The following STARD13 variants were observed in gnomAD, a reference collection of about 807,000 sequenced individuals.
STARD13 encodes the protein stAR-related lipid transfer protein 13.
Under a neutral mutation model 106.4 loss-of-function variants are expected in STARD13, and 62 were observed. The ratio of observed to expected loss-of-function variants is 0.58; its 90% CI spans 0.48 to 0.72. The LOEUF is 0.72. Ranked by LOEUF, STARD13 falls within the 30% of genes least tolerant of loss-of-function variation. The probability of loss-of-function intolerance (pLI) is 0.00; values close to 1 mark genes in which losing one functional copy is unlikely to be tolerated. For synonymous variants in STARD13, 565 were observed against 553.0 expected, an observed-to-expected ratio of 1.02 and a Z score of -0.31; for missense variants, 1,387 against 1,424.0, an observed-to-expected ratio of 0.97 and a Z score of 0.42.
intron 1 of STARD13, among the ~76,000 whole-genome samples, chr13:33,233,916 C>T (rs141709693): frequency 5.3e-5 from 8 of 152,302 alleles, no homozygotes; most frequent in Non-Finnish European, 1.0e-4. Context: ...TCACGTGCTC[C>T]CTCCTGCAAG....
At chr13:33,296,602 C>G (rs1892505326) in intron 1 of STARD13, among the ~76,000 whole-genome samples, 1 of 152,234 alleles carries the variant, frequency 6.6e-6, no homozygotes, top group Admixed American at 6.5e-5. Flanking sequence ...AACCACCATT[C>G]TACTCTCTGC....
the STARD13 span, among the ~76,000 whole-genome samples, chr13:33,662,962 A>T: frequency 6.6e-6 from 1 of 152,246 alleles, no homozygotes; most frequent in Non-Finnish European, 1.5e-5. Flanking sequence ...AAGTCTTGAG[A>T]ATATATCAAA....
chr13:33,156,165 G>T (rs1272059426), intron 3 of STARD13, among the ~76,000 whole-genome samples: 1 of 152,188 alleles, frequency 6.6e-6, no homozygotes, highest in Non-Finnish European at 1.5e-5. Flanking sequence ...GTCAATAAAA[G>T]GGTGGCATTC....
chr13:33,409,777 G>C, the STARD13 span, among the ~76,000 whole-genome samples: 1 of 152,170 alleles, frequency 6.6e-6, no homozygotes, highest in Non-Finnish European at 1.5e-5. Flanking sequence ...GACAGGTCAG[G>C]ACACACTAAC....
intron 1 of STARD13, among the ~76,000 whole-genome samples, chr13:33,175,949 G>A (rs1382212572): frequency 1.3e-5 from 2 of 152,110 alleles, no homozygotes; most frequent in Non-Finnish European, 2.9e-5. Flanking sequence ...AAGATTTCAT[G>A]ATAGCAGGGG....
the STARD13 span, among the ~76,000 whole-genome samples, chr13:33,660,300 C>T: frequency 6.6e-6 from 1 of 152,142 alleles, no homozygotes. Flanking sequence ...CATAGTTTTT[C>T]ACTATTTAAA....
chr13:33,114,213 T>C (rs370105680), intron 8 of STARD13, among the ~76,000 whole-genome samples: 22 of 152,290 alleles, frequency 1.4e-4, no homozygotes, highest in East Asian at 1.4e-3. Flanking sequence ...GAGTGCATGA[T>C]AAAAACAAAC....
intron 13 of STARD13, 34 bp downstream of exon 13, chr13:33,106,724 A>G: frequency 6.4e-7 from 1 of 1,567,884 alleles, no homozygotes; most frequent in Non-Finnish European, 8.7e-7. Flanking sequence ...GACTCCCAAG[A>G]TCTGAGCCTG....
At chr13:33,213,549 C>G (rs1025022123) in intron 1 of STARD13, among the ~76,000 whole-genome samples, 1 of 152,192 alleles carries the variant, frequency 6.6e-6, no homozygotes, top group Admixed American at 6.5e-5. Flanking sequence ...TACTCTGGCT[C>G]TCTCGAGGTA....
chr13:33,189,426 C>A (rs1403326789), intron 1 of STARD13, among the ~76,000 whole-genome samples: 1 of 19,072 alleles, frequency 5.2e-5, no homozygotes, highest in East Asian at 2.5e-3. Context: ...TTCCCTCCTT[C>A]CTCCTTTCGG....
At chr13:33,509,086 A>G in the STARD13 span, among the ~76,000 whole-genome samples, 1 of 152,220 alleles carries the variant, frequency 6.6e-6, no homozygotes, top group East Asian at 1.9e-4. Context: ...GTTGTTGACT[A>G]AAACATCATT....
intron 3 of STARD13, 74 bp downstream of exon 3, chr13:33,165,263 C>T: frequency 8.8e-7 from 1 of 1,134,652 alleles, no homozygotes; most frequent in Non-Finnish European, 1.3e-6. Flanking sequence ...AATAGCTGAG[C>T]TCGCCCTTCA....
In STARD13 at chr13:33,295,007, T is replaced by A. The variant is rs984472226; in HGVS notation, c.124+55283A>T. Among the ~76,000 whole-genome samples the A allele has an allele frequency of 3.3e-5, 5 of 152,130 alleles. No individual in the cohort carries two copies. The East Asian group carries it at 9.6e-4, about 29-fold the overall frequency. ...CCTGGATTCTGTCTCCATTCTTATA[T>A]ACAATCCCTTTCTTCATGGTGTCAA... On this transcript the variant is annotated intron_variant, in intron 1 of 5. Transcript: ENST00000567873.
intron 1 of STARD13, among the ~76,000 whole-genome samples, chr13:33,308,410 G>T (rs934453983): frequency 2.6e-5 from 4 of 151,634 alleles, no homozygotes; most frequent in Non-Finnish European, 5.9e-5. Flanking sequence ...CTATCAATAT[G>T]CGTATCTGCA....
the STARD13 span, among the ~76,000 whole-genome samples, chr13:33,510,998 A>T: frequency 3.3e-5 from 5 of 150,812 alleles, no homozygotes; most frequent in African/African-American, 9.7e-5. Flanking sequence ...TGACACCTAA[A>T]TTTTTTTTTT....
At chr13:33,327,986 C>G (rs2077795458) in intron 1 of STARD13, among the ~76,000 whole-genome samples, 1 of 152,214 alleles carries the variant, frequency 6.6e-6, no homozygotes, top group South Asian at 2.1e-4. Context: ...CCACTAATAT[C>G]ATTTGAATGT....
At chr13:33,362,928 T>A in the STARD13 span, among the ~76,000 whole-genome samples, 4 of 152,196 alleles carry the variant, frequency 2.6e-5, no homozygotes, top group South Asian at 4.1e-4. Flanking sequence ...GAATCACACA[T>A]CATTTGCCAA....
chr13:33,619,094 G>T, the STARD13 span, among the ~76,000 whole-genome samples: 4,673 of 152,110 alleles, frequency 0.031, 116 homozygotes, highest in Middle Eastern at 0.051. Context: ...ACAGTCAGTT[G>T]ACAAGCATCT....
chr13:33,274,718 G>C (rs1010975298), intron 1 of STARD13, among the ~76,000 whole-genome samples: 4 of 152,030 alleles, frequency 2.6e-5, no homozygotes, highest in Non-Finnish European at 5.9e-5. Context: ...ACCTGGGTTT[G>C]GTGGCCTCCT....
Sources: gnomAD v4.1 joint callset for allele counts (sites outside exome capture counted in the v4.1 genomes callset) on GRCh38, gnomAD v4.1.1 for gene constraint, MANE v1.5 for transcripts, NCBI Gene and HGNC (gene_info 2026-07-23, HGNC 2026-07-21) for gene names.